POR: variants seen among roughly 807,000 people sequenced by gnomAD.
POR encodes the protein NADPH--cytochrome P450 reductase.
Under a neutral mutation model 84.0 loss-of-function variants are expected in POR, and 56 were observed. The ratio of observed to expected loss-of-function variants is 0.67; its 90% CI spans 0.54 to 0.83. POR has a LOEUF of 0.83. Ranked by LOEUF, POR falls within the 40% of genes least tolerant of loss-of-function variation. The pLI is 0.00. For missense variants in POR, 938 were observed against 944.3 expected, an observed-to-expected ratio of 0.99 and a Z score of 0.09; for synonymous variants, 414 against 400.5, an observed-to-expected ratio of 1.03 and a Z score of -0.40.
chr7:75,959,956 C>T (rs2116458413), intron 2 of POR, among the ~76,000 whole-genome samples: 1 of 152,086 alleles, frequency 6.6e-6, no homozygotes, highest in South Asian at 2.1e-4. Context: ...TAATGAGCAA[C>T]AAGTTCTTTT....
intron 1 of POR, among the ~76,000 whole-genome samples, chr7:75,953,245 T>C (rs1405753811): frequency 7.2e-6 from 1 of 139,498 alleles, no homozygotes; most frequent in Non-Finnish European, 1.5e-5. Flanking sequence ...GGCAGGGAGG[T>C]TGCAGTGAGC....
At chr7:75,954,830 C>G (rs1787614239) in intron 2 of POR, among the ~76,000 whole-genome samples, 1 of 151,938 alleles carries the variant, frequency 6.6e-6, no homozygotes, top group South Asian at 2.1e-4. Context: ...GCCTCAGCCT[C>G]CTGAGTAGCT....
chr7:75,977,960 A>C (rs150843655), intron 3 of POR, among the ~76,000 whole-genome samples: 1 of 152,170 alleles, frequency 6.6e-6, no homozygotes, highest in Admixed American at 6.5e-5. Flanking sequence ...TCCAGCCCCA[A>C]CGGGCTCTGG....
rs549466038 is a variant in POR, at chr7:75,974,130, A to G, written c.237+1669A>G. On this transcript the variant is annotated intron_variant, in intron 3 of 15. Transcript: ENST00000461988. ...ACTGTAACGCACTTAACCCTGTCCT[A>G]TTAAAGATGGGCACTGGGGCTGTTG... Among the ~76,000 whole-genome samples, 3 of 152,290 alleles carry G rather than the reference A, an allele frequency of 2.0e-5. No individual in the cohort carries two copies. In the East Asian group the frequency reaches 5.8e-4, roughly 29 times the overall value.
intron 7 of POR, chr7:75,981,993 C>T (rs1049798142): frequency 5.2e-6 from 3 of 579,644 alleles, no homozygotes; most frequent in Non-Finnish European, 9.3e-6. Flanking sequence ...GCCTGCCCAG[C>T]CCTGCCCCGG....
intron 1 of POR, among the ~76,000 whole-genome samples, chr7:75,926,655 G>A (rs113454523): frequency 0.08 from 12,230 of 152,076 alleles, 1,556 homozygotes; most frequent in African/African-American, 0.27. Flanking sequence ...TTAGCCGGGC[G>A]TGGTGGTGCA....
intron 1 of POR, among the ~76,000 whole-genome samples, chr7:75,920,056 CTTTTT>C (rs71519397): frequency 3.9e-5 from 3 of 76,510 alleles, no homozygotes; most frequent in African/African-American, 1.2e-4. Flanking sequence ...AGTTGAATTT[CTTTTT>C]TTTTTTTTTT....
intron 1 of POR, among the ~76,000 whole-genome samples, chr7:75,942,819 T>C (rs1215992832): frequency 1.3e-5 from 2 of 152,124 alleles, no homozygotes; most frequent in Non-Finnish European, 2.9e-5. Flanking sequence ...AAGTTTTGCA[T>C]ATAACTGCTG....
rs782691218 is a variant in POR, at chr7:75,985,043, C to T, written c.1249-15C>T. The T allele has an allele frequency of 6.3e-7, 1 of 1,589,684 alleles. No individual in the cohort carries two copies. Among genetic ancestry groups the T allele is most frequent in the Admixed American group, 1.7e-5 (1 of 59,588 alleles). ...TGGGCCCCAATCAGCCCCATCTCAC[C>T]CCCGTGTCTCTTAGGAGCTGTACCT... On this transcript the variant is annotated splice_polypyrimidine_tract_variant and intron_variant, in intron 11 of 15. Coordinates refer to ENST00000461988, the MANE Select transcript of POR (RefSeq NM_000941.3).
rs377023330 is a variant in POR, at chr7:75,982,350, A to G, written c.830+28A>G. 53 of 1,570,684 alleles carry G rather than the reference A, an allele frequency of 3.4e-5. No individual in the cohort carries two copies. The African/African-American group carries it at 6.7e-4, about 20-fold the overall frequency. On this transcript the variant is annotated intron_variant, in intron 8 of 15. Coordinates refer to ENST00000461988, the MANE Select transcript of POR (RefSeq NM_000941.3). ...GAGTGGAGGGAGCGTGGCTTGGGGC[A>G]GACGGCTCTATGGCCACTGGTGCAC...
chr7:75,980,660 A>G (rs782784700), intron 5 of POR, 172 bp downstream of exon 5: 1 of 1,542,358 alleles, frequency 6.5e-7, no homozygotes, highest in South Asian at 1.2e-5. Context: ...CACTACGAGA[A>G]TGTCCCCTCC....
chr7:75,970,207 G>C (rs536689076), intron 2 of POR, among the ~76,000 whole-genome samples: 1 of 152,162 alleles, frequency 6.6e-6, no homozygotes, highest in South Asian at 2.1e-4. Context: ...CTTACTCAGG[G>C]TGTAGCTATT....
At chr7:75,975,470 T>C (rs1291700595) in intron 3 of POR, among the ~76,000 whole-genome samples, 3 of 151,950 alleles carry the variant, frequency 2.0e-5, no homozygotes, top group Non-Finnish European at 2.9e-5. Flanking sequence ...CGAAACCCCA[T>C]CTCCACAAAA....
At chr7:75,975,274 C>G (rs1294065941) in intron 3 of POR, among the ~76,000 whole-genome samples, 1 of 152,084 alleles carries the variant, frequency 6.6e-6, no homozygotes, top group Non-Finnish European at 1.5e-5. Flanking sequence ...CTACATTTTA[C>G]ATAGCTGTCT....
At position 75,985,913 on chromosome 7, in the gene POR, T is replaced by C; in HGVS notation, c.1670-10T>C. The C allele has an allele frequency of 6.3e-7, 1 of 1,576,086 alleles. No individual in the cohort carries two copies. Among genetic ancestry groups the C allele is most frequent in the Non-Finnish European group, 8.6e-7 (1 of 1,160,082 alleles). On this transcript the variant is annotated splice_polypyrimidine_tract_variant and intron_variant, in intron 13 of 15. Coordinates refer to ENST00000461988, the MANE Select transcript of POR (RefSeq NM_000941.3). ...GGAGCCCCGCGCTCACCCCGGCCCC[T>C]GCCACGCAGGCAAGGAGGTGGGGGA...
chr7:75,979,571 T>C lies in POR; in HGVS notation c.358T>C (p.Tyr120His), dbSNP rs1554557326. Residue 120 changes from tyrosine (Y) to histidine (H), a missense_variant, in exon 4 of 16, where the codon TAT becomes CAT. Coordinates refer to ENST00000461988, the MANE Select transcript of POR (RefSeq NM_000941.3). Reference sequence around the variant, plus strand: ...AGGCATGTCAGCGGACCCTGAGGAGTATGACCTGGTAAGCTGCCACCGCGT... The same window carrying C: ...AGGCATGTCAGCGGACCCTGAGGAGCATGACCTGGTAAGCTGCCACCGCGT... 1 of 1,612,808 alleles carries C rather than the reference T, an allele frequency of 6.2e-7. No homozygotes were observed. Among genetic ancestry groups the C allele is most frequent in the Admixed American group, 1.7e-5 (1 of 59,976 alleles).
intron 2 of POR, among the ~76,000 whole-genome samples, chr7:75,966,302 C>G (rs553631202): frequency 1.3e-5 from 2 of 152,148 alleles, no homozygotes; most frequent in East Asian, 1.9e-4. Context: ...AGTCCCTGTC[C>G]GCAGAGACAG....
intron 3 of POR, among the ~76,000 whole-genome samples, chr7:75,978,669 A>G (rs1054357873): frequency 6.6e-6 from 1 of 151,836 alleles, no homozygotes; most frequent in Non-Finnish European, 1.5e-5. Context: ...GATTACAGGC[A>G]TGTGCCACCA....
At chr7:75,935,585 C>G (rs1384039639) in intron 1 of POR, among the ~76,000 whole-genome samples, 1 of 150,894 alleles carries the variant, frequency 6.6e-6, no homozygotes, top group Non-Finnish European at 1.5e-5. Flanking sequence ...TGGTACTTCT[C>G]CCTTCCTGCC....
Sources: gnomAD v4.1 joint callset for allele counts (sites outside exome capture counted in the v4.1 genomes callset) on GRCh38, gnomAD v4.1.1 for gene constraint, MANE v1.5 for transcripts, NCBI Gene and HGNC (gene_info 2026-07-23, HGNC 2026-07-21) for gene names.